MAP1S: variants seen among roughly 807,000 people sequenced by gnomAD.
The protein encoded by MAP1S is microtubule-associated protein 1S.
Under a neutral mutation model 60.9 loss-of-function variants are expected in MAP1S, and 27 were observed. The observed-to-expected ratio is 0.44, with a 90% CI of 0.33 to 0.61. The LOEUF is 0.61. Ranked by LOEUF, MAP1S falls within the 20% of genes least tolerant of loss-of-function variation. MAP1S has a pLI of 0.03. For missense variants in MAP1S, 1,608 were observed against 1,486.6 expected (o/e 1.08, Z -1.34); for synonymous variants, 826 against 694.2 (o/e 1.19, Z -2.98).
chr19:17,723,856 C>CA lies in MAP1S; in HGVS notation c.221-262dup, dbSNP rs1023532856. On this transcript the variant is annotated intron_variant, in intron 2 of 6. Coordinates refer to ENST00000324096, the MANE Select transcript of MAP1S (RefSeq NM_018174.6). Reference sequence around the variant, plus strand: ...GGCGACAGAGCGAGACTCCGTCTCACAAAAAAAAGAAGAAAATGGTGGCAT... The same window carrying CA: ...GGCGACAGAGCGAGACTCCGTCTCACAAAAAAAAAGAAGAAAATGGTGGCAT... Among the ~76,000 whole-genome samples, 287 of 151,788 alleles carry CA rather than the reference C, an allele frequency of 1.9e-3. 3 individuals carry two copies. The highest frequency in any genetic ancestry group is 5.7e-3 in the African/African-American group (237 of 41,416).
Position 17,725,774 on chromosome 19 carries a change from C to A in MAP1S, c.445-55C>A. On this transcript the variant is annotated intron_variant, in intron 4 of 6. Coordinates refer to ENST00000324096, the MANE Select transcript of MAP1S (RefSeq NM_018174.6). The surrounding 1 kb of genome is among the most constrained non-coding windows in gnomAD (Gnocchi z 4.2). ...GGGTGTCCTCGCCCAGTTTTCCCAC[C>A]GGGCTAGGTGTTGCCTGGCTCTAGG... 5 of 1,523,140 alleles carry A rather than the reference C, an allele frequency of 3.3e-6. No individual in the cohort carries two copies. Among genetic ancestry groups the A allele is most frequent in the Non-Finnish European group, 4.4e-6 (5 of 1,126,394 alleles). The allele number at this position is 1,523,140 out of a possible 1,614,324, so 94.4% of individuals were successfully genotyped here.
At position 17,727,310 on chromosome 19, in the gene MAP1S, G is replaced by C; in HGVS notation, c.1926G>C (p.Glu642Asp). 6.3e-7 allele frequency: 1 copy of C among 1,591,840 alleles called. No individual in the cohort carries two copies. Among genetic ancestry groups the C allele is most frequent in the Non-Finnish European group, 8.5e-7 (1 of 1,174,056 alleles). Reference protein sequence around the residue: ...SIPRPRTPSPESHRSPAEGSE... With the variant: ...SIPRPRTPSPDSHRSPAEGSE... ...CAAGGCCACGCACACCCTCCCCTGAGTCCCACCGGAGCCCCGCAGAGGGCA... is the reference window on the plus strand; with the variant it reads ...CAAGGCCACGCACACCCTCCCCTGACTCCCACCGGAGCCCCGCAGAGGGCA... Residue 642 changes from glutamate to aspartate, a missense_variant, in exon 5 of 7, where the codon GAG (glutamate) becomes GAC (aspartate). This residue lies in a region of MAP1S where 1,167 missense variants were observed against 961.4 expected (regional missense o/e 1.21). Transcript: ENST00000324096. The surrounding 1 kb of genome is among the most constrained non-coding windows in gnomAD (Gnocchi z 4.1).
At chr19:17,724,641 G>T (rs2080401085) in intron 3 of MAP1S, among the ~76,000 whole-genome samples, 1 of 152,268 alleles carries the variant, frequency 6.6e-6, no homozygotes, top group African/African-American at 2.4e-5. Context: ...TCCCACTACA[G>T]ACCTTCTTAC....
Position 17,734,470 on chromosome 19 carries a change from T to G in MAP1S, c.*42T>G. 1 of 1,576,586 alleles carries G rather than the reference T, an allele frequency of 6.3e-7. No homozygotes were observed. Among genetic ancestry groups the G allele is most frequent in the Non-Finnish European group, 8.6e-7 (1 of 1,159,428 alleles). ...CCCCCCACTCAGCCCAGCCCGCCTG[T>G]CCCTAGATTCAGCCACATCAGAAAT... On this transcript the variant is annotated 3_prime_UTR_variant, in exon 7 of 7. Transcript: ENST00000324096.
chr19:17,726,506 C>G lies in MAP1S; in HGVS notation c.1122C>G (p.Arg374=). 1 of 1,551,224 alleles carries G rather than the reference C, an allele frequency of 6.4e-7. No homozygotes were observed. Among genetic ancestry groups the G allele is most frequent in the Non-Finnish European group, 8.7e-7 (1 of 1,152,676 alleles). ...QLGITPLPLS[R]GPVPAKPTVL... The stretch of plus-strand genomic sequence containing the variant: ...GCATCACGCCTCTGCCACTCAGCCG[C>G]GGCCCCGTGCCAGCCAAACCCACCG... The change falls in exon 5 of 7, where the codon CGC becomes CGG. Residue 374 remains arginine, a synonymous_variant. Transcript: ENST00000324096.
At chr19:17,724,964 G>A in intron 3 of MAP1S, 85 bp from the exon 4 acceptor site, 1 of 1,554,410 alleles carries the variant, frequency 6.4e-7, no homozygotes, top group East Asian at 2.2e-5. Context: ...GGGTGGTTAT[G>A]TATCGACTCG....
intron 5 of MAP1S, among the ~76,000 whole-genome samples, chr19:17,731,562 A>G (rs996744466): frequency 2.0e-5 from 3 of 152,080 alleles, no homozygotes; most frequent in Non-Finnish European, 2.9e-5. Context: ...TGATTCTTCT[A>G]TTTCATGATT....
chr19:17,733,127 C>T, intron 5 of MAP1S, 66 bp from the exon 6 acceptor site: 1 of 1,155,372 alleles, frequency 8.7e-7, no homozygotes, highest in Non-Finnish European at 1.2e-6. Context: ...GCAGGTCGAA[C>T]TTGGAGCCTC....
intron 5 of MAP1S, among the ~76,000 whole-genome samples, chr19:17,728,541 G>A (rs1263201463): frequency 6.7e-6 from 1 of 150,300 alleles, no homozygotes; most frequent in East Asian, 2.0e-4. Context: ...GAGCCACGGT[G>A]CCCTGCCAGT....
chr19:17,721,175 C>G, intron 2 of MAP1S, 138 bp downstream of exon 2: 1 of 747,432 alleles, frequency 1.3e-6, no homozygotes, highest in Non-Finnish European at 2.4e-6. Flanking sequence ...AAATGCAAGC[C>G]GTGACCCAGT....
At chr19:17,731,115 A>C (rs777301564) in intron 5 of MAP1S, among the ~76,000 whole-genome samples, 2 of 151,728 alleles carry the variant, frequency 1.3e-5, no homozygotes, top group Non-Finnish European at 1.5e-5. Context: ...GGCTGGTTTC[A>C]AACTCCTGAC....
chr19:17,730,515 T>C (rs1370411249), intron 5 of MAP1S, among the ~76,000 whole-genome samples: 1 of 152,168 alleles, frequency 6.6e-6, no homozygotes, highest in Non-Finnish European at 1.5e-5. Flanking sequence ...GGAGTCTCAC[T>C]ATGTTGCCCA....
In MAP1S at chr19:17,727,839, C is replaced by G. The variant is rs778320287; in HGVS notation, c.2455C>G (p.Pro819Ala). The stretch of plus-strand genomic sequence containing the variant: ...CGAAGACACAGAGGGCTTTGGAGTC[C>G]CTCGCCACGACCCTTTGCCTGACCC... ...SDEDTEGFGVPRHDPLPDPLK... is the reference protein window; with the variant it reads ...SDEDTEGFGVARHDPLPDPLK... The change falls in exon 5 of 7, where the codon CCT becomes GCT. Residue 819 changes from proline to alanine, a missense_variant. Pro to Ala is a conservative substitution (Grantham distance 27, BLOSUM62 -1). This residue lies in a region of MAP1S where 1,167 missense variants were observed against 961.4 expected (regional missense o/e 1.21). Transcript: ENST00000324096. The surrounding 1 kb of genome is among the most constrained non-coding windows in gnomAD (Gnocchi z 4.1). 6.2e-7 allele frequency: 1 copy of G among 1,613,506 alleles called. No homozygotes were observed. Among genetic ancestry groups the G allele is most frequent in the Admixed American group, 1.7e-5 (1 of 59,998 alleles).
At position 17,719,574 on chromosome 19, in the gene MAP1S, C is replaced by T. The variant is rs2080352150; in HGVS notation, c.72C>T (p.Phe24=). 8.0e-7 allele frequency: 1 copy of T among 1,245,810 alleles called. No homozygotes were observed. The allele number at this position is 1,245,810 out of a possible 1,614,324, so 77.2% of individuals were successfully genotyped here. The change falls in exon 1 of 7, where the codon TTC becomes TTT. Residue 24 remains phenylalanine, a synonymous_variant. Transcript: ENST00000324096. ...SSLLLVVGSE[F]GSPGLLTYVL... ...TGCTCCTCGTGGTGGGCAGCGAGTT[C>T]GGGAGCCCGGGGCTCCTCACCTACG...
chr19:17,728,588 T>C (rs377441737), intron 5 of MAP1S: 3 of 159,520 alleles, frequency 1.9e-5, no homozygotes, highest in African/African-American at 7.2e-5. Flanking sequence ...AGAATTTCGT[T>C]CTTGTTGCCC....
Position 17,725,835 on chromosome 19 carries a change from G to C in MAP1S, c.451G>C (p.Asp151His). 6.2e-7 allele frequency: 1 copy of C among 1,610,842 alleles called. No individual in the cohort carries two copies. Among genetic ancestry groups the C allele is most frequent in the Non-Finnish European group, 8.5e-7 (1 of 1,178,904 alleles). ...LQVLKDREIR[D>H]ILATTPPPVQ... ...CCACTCCTCCTCCATACAGATCCGG[G>C]ACATCCTGGCCACCACGCCCCCACC... is the stretch of plus-strand genomic sequence containing the variant. Residue 151 changes from aspartate to histidine, a missense_variant, in exon 5 of 7, where the codon GAC (aspartate) becomes CAC (histidine). Around this residue, in one of 4 missense-constraint regions of MAP1S, gnomAD observed 320 missense variants for 393.1 expected, o/e 0.81. Transcript: ENST00000324096. The surrounding 1 kb of genome is among the most constrained non-coding windows in gnomAD (Gnocchi z 4.2).
chr19:17,725,773 C>T lies in MAP1S; in HGVS notation c.445-56C>T. The T allele has an allele frequency of 6.5e-7, 1 of 1,527,976 alleles. No individual in the cohort carries two copies. Among genetic ancestry groups the T allele is most frequent in the Non-Finnish European group, 8.8e-7 (1 of 1,130,992 alleles). 94.7% of individuals were successfully genotyped at this position (1,527,976 alleles called of 1,614,324 possible). A position where few individuals can be genotyped will look rare whatever the true frequency, so the allele number is the denominator to read the frequency against. ...AGGGTGTCCTCGCCCAGTTTTCCCA[C>T]CGGGCTAGGTGTTGCCTGGCTCTAG... On this transcript the variant is annotated intron_variant, in intron 4 of 6. Coordinates refer to ENST00000324096, the MANE Select transcript of MAP1S (RefSeq NM_018174.6). The surrounding 1 kb of genome is among the most constrained non-coding windows in gnomAD (Gnocchi z 4.2).
rs2080519064 is a variant in MAP1S at position 17,734,262 on chromosome 19, T to A, written c.3025-11T>A. 1 of 1,591,092 alleles carries A rather than the reference T, an allele frequency of 6.3e-7. No homozygotes were observed. The highest frequency in any genetic ancestry group is 8.6e-7 in the Non-Finnish European group (1 of 1,166,062). ...GTCCACTCTCCCCACACACCCCCCC[T>A]CCACCTGCAGGTGACCCTGATCCCC... On this transcript the variant is annotated splice_polypyrimidine_tract_variant and intron_variant, in intron 6 of 6. Transcript: ENST00000324096.
At position 17,726,659 on chromosome 19, in the gene MAP1S, G is replaced by C; in HGVS notation, c.1275G>C (p.Glu425Asp). Residue 425 changes from glutamate to aspartate, a missense_variant, in exon 5 of 7, where the codon GAG (glutamate) becomes GAC (aspartate). Physicochemically the swap from Glu to Asp is conservative, Grantham distance 45. This residue lies in a region of MAP1S where 1,167 missense variants were observed against 961.4 expected (regional missense o/e 1.21). Transcript: ENST00000324096. Reference protein sequence around the residue: ...LLVWHPAGPGEKVVRVLFPGC... With the variant: ...LLVWHPAGPGDKVVRVLFPGC... ...TGTGGCACCCCGCCGGCCCCGGCGAGAAGGTGGTGCGCGTGCTGTTCCCCG... is the reference window on the plus strand; with the variant it reads ...TGTGGCACCCCGCCGGCCCCGGCGACAAGGTGGTGCGCGTGCTGTTCCCCG... The C allele has an allele frequency of 1.9e-6, 3 of 1,582,004 alleles. No individual in the cohort carries two copies. The highest frequency in any genetic ancestry group is 2.6e-6 in the Non-Finnish European group (3 of 1,168,140).
Sources: gnomAD v4.1 joint callset for allele counts (sites outside exome capture counted in the v4.1 genomes callset) on GRCh38, gnomAD v4.1.1 for gene constraint, gnomAD v4.1.1 regional missense constraint, Gnocchi (gnomAD v3.1) non-coding constraint, MANE v1.5 for transcripts, NCBI Gene and HGNC (gene_info 2026-07-23, HGNC 2026-07-21) for gene names.